Variants in CD320 observed in about 807,000 individuals in gnomAD.
CD320 encodes CD320 antigen.
CD320 carries 16 observed loss-of-function variants against 22.1 expected under a neutral mutation model. The ratio of observed to expected loss-of-function variants is 0.73; its 90% CI spans 0.49 to 1.10. The LOEUF (loss-of-function observed/expected upper bound fraction) is 1.10, where lower values mean the gene tolerates loss of function less well. Among genes scored for constraint, CD320 ranks in the 50% least tolerant of loss-of-function variants. The pLI is 0.00. For missense variants in CD320, 388 were observed against 376.9 expected (o/e 1.03, Z -0.24); for synonymous variants, 188 against 167.8 (o/e 1.12, Z -0.93).
intron 3 of CD320, 137 bp from the exon 4 acceptor site, chr19:8,303,117 T>C: frequency 2.8e-6 from 1 of 361,356 alleles, no homozygotes; most frequent in Non-Finnish European, 4.9e-6. Context: ...ATTATGTCTT[T>C]TTTTTTTTTT....
At chr19:8,303,752 A>T in intron 3 of CD320, 103 bp downstream of exon 3, 4 of 780,762 alleles carry the variant, frequency 5.1e-6, no homozygotes, top group Admixed American at 2.0e-5. Flanking sequence ...GGATGCAGGC[A>T]CGGGCAAAGG....
chr19:8,305,143 G>A lies in CD320; in HGVS notation c.156C>T (p.Gly52=), dbSNP rs764426266. The change falls in exon 2 of 5, where the codon GGC becomes GGT. Residue 52 remains glycine, a synonymous_variant. Coordinates refer to ENST00000301458, the MANE Select transcript of CD320 (RefSeq NM_016579.4). Reference sequence around the variant, plus strand: ...ACTGGAACTTGGTGGGTGGGCACGAGCCTGAGCTGGGGCCTGCGAGATGGA... The same window carrying A: ...ACTGGAACTTGGTGGGTGGGCACGAACCTGAGCTGGGGCCTGCGAGATGGA... ...TSAQAAGPSS[G]SCPPTKFQCR... is the part of the protein sequence containing the mutation. 5.0e-6 allele frequency: 8 copies of A among 1,607,924 alleles called. No individual in the cohort carries two copies. The highest frequency in any genetic ancestry group is 1.1e-5 in the South Asian group (1 of 90,298).
In CD320 at chr19:8,305,099, C is replaced by A; in HGVS notation, c.200G>T (p.Cys67Phe). The change falls in exon 2 of 5, where the codon TGC (cysteine) becomes TTC (phenylalanine). Residue 67 changes from cysteine to phenylalanine, a missense_variant. Cys to Phe is a radical substitution (Grantham distance 205). Coordinates refer to ENST00000301458, the MANE Select transcript of CD320 (RefSeq NM_016579.4). ...TKFQCRTSGL[C>F]VPLTWRCDRD... ...GTCGCAGCGCCAGGTGAGGGGCACG[C>A]ATAAGCCACTGGTGCGGCACTGGAA... 6.2e-7 allele frequency: 1 copy of A among 1,613,274 alleles called. No homozygotes were observed. The highest frequency in any genetic ancestry group is 1.1e-5 in the South Asian group (1 of 91,054).
At chr19:8,304,630 A>C (rs8104777) in intron 2 of CD320, 20,963 of 261,616 alleles carry the variant, frequency 0.08, 2,222 homozygotes, top group African/African-American at 0.3. Context: ...TGTGTGAGCC[A>C]CCGTACCTGG....
chr19:8,304,590 G>A (rs1363235272), intron 2 of CD320, among the ~76,000 whole-genome samples: 2 of 152,144 alleles, frequency 1.3e-5, no homozygotes, highest in Non-Finnish European at 2.9e-5. Flanking sequence ...TGATCCGCCT[G>A]CCTTGGCCTC....
In CD320 at chr19:8,302,928, C is replaced by T. The variant is rs372678225; in HGVS notation, c.555G>A (p.Val185=). The T allele has an allele frequency of 9.9e-6, 16 of 1,613,884 alleles. No individual in the cohort carries two copies. Among genetic ancestry groups the T allele is most frequent in the East Asian group, 8.9e-5 (4 of 44,878 alleles). The change falls in exon 4 of 5, where the codon GTG becomes GTA. Residue 185 remains valine (V), a synonymous_variant. Coordinates refer to ENST00000301458, the MANE Select transcript of CD320 (RefSeq NM_016579.4). Reference sequence around the variant, plus strand: ...TGAGAGAGGTGACACTCTCCAGGGTCACAGGGGGCCCCATGGTTGTGGCAT... The same window carrying T: ...TGAGAGAGGTGACACTCTCCAGGGTTACAGGGGGCCCCATGGTTGTGGCAT... ...EGDATTMGPP[V]TLESVTSLRN... is the part of the protein sequence containing the mutation.
At chr19:8,308,022 A>C (rs1487743141) in intron 1 of CD320, 127 bp downstream of exon 1, 1 of 996,558 alleles carries the variant, frequency 1.0e-6, no homozygotes, top group Non-Finnish European at 1.4e-6. Flanking sequence ...ATGAAGTCCA[A>C]GTCCACGTGC....
At chr19:8,305,255 G>T in intron 1 of CD320, 99 bp from the exon 2 acceptor site, 1 of 1,448,528 alleles carries the variant, frequency 6.9e-7, no homozygotes, top group Non-Finnish European at 9.4e-7. Context: ...GACAGGCGAA[G>T]TCCCGGGATA....
Position 8,304,097 on chromosome 19 carries a change from C to G in CD320, c.269-9G>C. 1.4e-6 allele frequency: 2 copies of G among 1,426,778 alleles called. No individual in the cohort carries two copies. The highest frequency in any genetic ancestry group is 9.7e-7 in the Non-Finnish European group (1 of 1,033,384). The allele number at this position is 1,426,778 out of a possible 1,614,324, so 88.4% of individuals were successfully genotyped here. On this transcript the variant is annotated splice_polypyrimidine_tract_variant and intron_variant, in intron 2 of 4. Transcript: ENST00000301458. ...GGTACATGGCTCAATCCCTGGGGCA[C>G]AGGGTTGGTCAGGTCCCAAATGCCC...
intron 2 of CD320, among the ~76,000 whole-genome samples, chr19:8,304,382 G>A (rs1970056565): frequency 1.3e-5 from 2 of 151,986 alleles, no homozygotes; most frequent in South Asian, 2.1e-4. Context: ...TCCCTTTGCT[G>A]CCCAGGCTGC....
At position 8,302,193 on chromosome 19, in the gene CD320, C is replaced by T. The variant is rs941112364; in HGVS notation, c.*270G>A. 2.2e-5 allele frequency: 14 copies of T among 644,010 alleles called. No homozygotes were observed. The highest frequency in any genetic ancestry group is 3.5e-5 in the Non-Finnish European group (12 of 347,404). 39.9% of individuals were successfully genotyped at this position (644,010 alleles called of 1,614,324 possible). The stretch of plus-strand genomic sequence containing the variant: ...AGCAGGAGTGTCTTAAGCACAGGGC[C>T]GTTCTACCCCCTGGGAGCTGCCTGG... On this transcript the variant is annotated 3_prime_UTR_variant, in exon 5 of 5. Transcript: ENST00000301458.
At chr19:8,307,831 T>C (rs1286474133) in intron 1 of CD320, among the ~76,000 whole-genome samples, 1 of 152,068 alleles carries the variant, frequency 6.6e-6, no homozygotes. Flanking sequence ...TGCTAAGAGC[T>C]TTCCTGACCA....
chr19:8,303,761 G>A (rs754611679), intron 3 of CD320, 94 bp downstream of exon 3: 9 of 830,254 alleles, frequency 1.1e-5, no homozygotes, highest in South Asian at 1.4e-5. Context: ...CACGGGCAAA[G>A]GCATGTGTCC....
rs766740010 is a variant in CD320 at position 8,302,804 on chromosome 19, T to G, written c.679A>C (p.Thr227Pro). ...SSAGDQSGSPTAYGVIAAAAV... is the reference protein window; with the variant it reads ...SSAGDQSGSPPAYGVIAAAAV... ...GCAGCTGCAATAACCCCATAGGCAGTTGGGCTTCCAGACTGGTCTCCGGCA... is the reference window on the plus strand; with the variant it reads ...GCAGCTGCAATAACCCCATAGGCAGGTGGGCTTCCAGACTGGTCTCCGGCA... The change falls in exon 4 of 5, where the codon ACT (threonine) becomes CCT (proline). Residue 227 changes from threonine to proline, a missense_variant. Coordinates refer to ENST00000301458, the MANE Select transcript of CD320 (RefSeq NM_016579.4). The G allele has an allele frequency of 5.6e-6, 9 of 1,614,010 alleles. No homozygotes were observed. The highest frequency in any genetic ancestry group is 1.3e-5 in the African/African-American group (1 of 74,914).
Position 8,308,302 on chromosome 19 carries a change from A to C in CD320, c.-12T>G. 1 of 1,585,012 alleles carries C rather than the reference A, an allele frequency of 6.3e-7. No individual in the cohort carries two copies. Among genetic ancestry groups the C allele is most frequent in the Non-Finnish European group, 8.5e-7 (1 of 1,172,804 alleles). On this transcript the variant is annotated 5_prime_UTR_variant, in exon 1 of 5. Transcript: ENST00000301458. Reference sequence around the variant, plus strand: ...CAACCGCCGCTCATGCTGTCCCCACAGCGGCGCCGGCCACGCGCTGTCCAG... The same window carrying C: ...CAACCGCCGCTCATGCTGTCCCCACCGCGGCGCCGGCCACGCGCTGTCCAG...
chr19:8,305,190 TG>T, intron 1 of CD320, 34 bp from the exon 2 acceptor site: 1 of 1,562,504 alleles, frequency 6.4e-7, no homozygotes. Flanking sequence ...CCTGGGAAGC[TG>T]GAGGCTGGAC....
Position 8,308,245 on chromosome 19 carries a change from CCCCTGTTCG to C in CD320, c.37_45del (p.Arg13_Gly15del). 2 of 1,583,106 alleles carry C rather than the reference CCCCTGTTCG, an allele frequency of 1.3e-6. No individual in the cohort carries two copies. The highest frequency in any genetic ancestry group is 1.7e-6 in the Non-Finnish European group (2 of 1,171,094). ...AGCAGCAGCAGCGCCAGGCCCAGAG[CCCCTGTTCG>C]CCACGCTCCAACCTGCGCCATCCAA... On this transcript the variant is annotated inframe_deletion, in exon 1 of 5. Transcript: ENST00000301458.
rs1257718143 is a variant in CD320 at position 8,302,221 on chromosome 19, C to T, written c.*242G>A. On this transcript the variant is annotated 3_prime_UTR_variant, in exon 5 of 5. Coordinates refer to ENST00000301458, the MANE Select transcript of CD320 (RefSeq NM_016579.4). Reference sequence around the variant, plus strand: ...TCTACCCCCTGGGAGCTGCCTGGGGCCAGCCCCTCAGTTCTGGCTGTGGCA... The same window carrying T: ...TCTACCCCCTGGGAGCTGCCTGGGGTCAGCCCCTCAGTTCTGGCTGTGGCA... 1 of 681,326 alleles carries T rather than the reference C, an allele frequency of 1.5e-6. No homozygotes were observed. The highest frequency in any genetic ancestry group is 2.7e-6 in the Non-Finnish European group (1 of 372,442). The allele number at this position is 681,326 out of a possible 1,614,324, so 42.2% of individuals were successfully genotyped here.
chr19:8,302,631 G>A (rs763363138), intron 4 of CD320, 26 bp from the exon 5 acceptor site: 2 of 1,610,934 alleles, frequency 1.2e-6, no homozygotes, highest in Non-Finnish European at 1.7e-6. Context: ...GGACAGAGGA[G>A]TAAGGAGGGG....
Sources: gnomAD v4.1 joint callset for allele counts (sites outside exome capture counted in the v4.1 genomes callset) on GRCh38, gnomAD v4.1.1 for gene constraint, MANE v1.5 for transcripts, NCBI Gene and HGNC (gene_info 2026-07-23, HGNC 2026-07-21) for gene names.